REDIC1: variants seen among roughly 807,000 people sequenced by gnomAD.
REDIC1 encodes the protein regulator of DNA class I crossover intermediates 1, also known as HEI10 Interacting Protein 1.
the REDIC1 span, among the ~76,000 whole-genome samples, chr12:39,846,653 C>T: frequency 2.6e-5 from 4 of 152,140 alleles, no homozygotes; most frequent in Non-Finnish European, 4.4e-5. Flanking sequence ...GATTTTGCCA[C>T]GTTGCCCAGG....
chr12:39,787,804 C>A, the REDIC1 span, among the ~76,000 whole-genome samples: 6 of 152,114 alleles, frequency 3.9e-5, no homozygotes, highest in Non-Finnish European at 7.4e-5. Flanking sequence ...TTTTAATTTT[C>A]TCGTTATCTA....
chr12:39,689,916 A>G, the REDIC1 span, among the ~76,000 whole-genome samples: 3 of 152,242 alleles, frequency 2.0e-5, no homozygotes, highest in Non-Finnish European at 2.9e-5. Context: ...GAATATAGCT[A>G]GAACTAGTCA....
At chr12:39,833,319 T>G in the REDIC1 span, among the ~76,000 whole-genome samples, 1 of 152,062 alleles carries the variant, frequency 6.6e-6, no homozygotes, top group Admixed American at 6.6e-5. Flanking sequence ...AACACCTATA[T>G]AGATCCCCTG....
At chr12:39,751,496 A>G in the REDIC1 span, among the ~76,000 whole-genome samples, 1 of 152,208 alleles carries the variant, frequency 6.6e-6, no homozygotes, top group African/African-American at 2.4e-5. Context: ...CAGTGTGGCG[A>G]TTCCTCAAGG....
the REDIC1 span, among the ~76,000 whole-genome samples, chr12:39,892,569 T>C: frequency 6.6e-6 from 1 of 152,198 alleles, no homozygotes; most frequent in Non-Finnish European, 1.5e-5. Flanking sequence ...CTTTCTTGGT[T>C]TTGACCAATA....
At chr12:39,903,500 T>G in the REDIC1 span, among the ~76,000 whole-genome samples, 12 of 151,976 alleles carry the variant, frequency 7.9e-5, no homozygotes, top group Non-Finnish European at 1.0e-4. Context: ...GGCCCTGTGT[T>G]TTTGGGAAGA....
the REDIC1 span, among the ~76,000 whole-genome samples, chr12:39,811,001 G>C: frequency 2.0e-5 from 3 of 151,990 alleles, no homozygotes; most frequent in African/African-American, 7.2e-5. Context: ...TATAGGATTG[G>C]CATTATTTCT....
the REDIC1 span, among the ~76,000 whole-genome samples, chr12:39,675,803 A>G: frequency 0.015 from 2,353 of 152,248 alleles, 57 homozygotes; most frequent in African/African-American, 0.051. Flanking sequence ...TGTAGACATT[A>G]CCCAGCACCA....
chr12:39,810,525 G>C, the REDIC1 span, among the ~76,000 whole-genome samples: 1 of 152,088 alleles, frequency 6.6e-6, no homozygotes, highest in Admixed American at 6.5e-5. Context: ...TCATGTAGTA[G>C]TGTTAAGAGT....
the REDIC1 span, among the ~76,000 whole-genome samples, chr12:39,699,575 A>G: frequency 6.6e-6 from 1 of 152,232 alleles, no homozygotes; most frequent in East Asian, 1.9e-4. Context: ...GCAACTGGGA[A>G]GCTCGAACTG....
the REDIC1 span, among the ~76,000 whole-genome samples, chr12:39,703,094 CA>C: frequency 6.6e-6 from 1 of 152,078 alleles, no homozygotes; most frequent in African/African-American, 2.4e-5. Flanking sequence ...GGCAATTAGG[CA>C]GGAGAAGAAA....
chr12:39,766,866 C>G, the REDIC1 span, among the ~76,000 whole-genome samples: 1 of 152,082 alleles, frequency 6.6e-6, no homozygotes, highest in African/African-American at 2.4e-5. Flanking sequence ...GGCTTCGCTT[C>G]TACAATAGTT....
the REDIC1 span, among the ~76,000 whole-genome samples, chr12:39,725,739 A>G: frequency 2.6e-4 from 39 of 151,226 alleles, no homozygotes; most frequent in African/African-American, 9.2e-4. Context: ...TATATTTTAT[A>G]TATGTATAAT....
At chr12:39,774,745 A>G in the REDIC1 span, among the ~76,000 whole-genome samples, 1 of 152,186 alleles carries the variant, frequency 6.6e-6, no homozygotes, top group Non-Finnish European at 1.5e-5. Flanking sequence ...AAAGCCTTAG[A>G]AATTTGGAGC....
At chr12:39,706,281 A>G in the REDIC1 span, among the ~76,000 whole-genome samples, 2 of 152,168 alleles carry the variant, frequency 1.3e-5, no homozygotes, top group South Asian at 2.1e-4. Flanking sequence ...AATAAAGACT[A>G]TAAAACACTA....
the REDIC1 span, among the ~76,000 whole-genome samples, chr12:39,679,671 C>CTG: frequency 4.6e-5 from 7 of 151,928 alleles, no homozygotes; most frequent in Non-Finnish European, 8.8e-5. Flanking sequence ...CCCCAAAAAC[C>CTG]CCACAGAGCC....
At chr12:39,851,263 G>C in the REDIC1 span, among the ~76,000 whole-genome samples, 1 of 152,044 alleles carries the variant, frequency 6.6e-6, no homozygotes, top group Non-Finnish European at 1.5e-5. Flanking sequence ...TTCCAAAATG[G>C]ACAAATTAGA....
the REDIC1 span, among the ~76,000 whole-genome samples, chr12:39,815,391 A>G: frequency 6.6e-6 from 1 of 152,230 alleles, no homozygotes; most frequent in Non-Finnish European, 1.5e-5. Flanking sequence ...TCCACATGAT[A>G]TAAAATCATT....
At chr12:39,901,828 C>A in the REDIC1 span, among the ~76,000 whole-genome samples, 23 of 145,826 alleles carry the variant, frequency 1.6e-4, no homozygotes, top group East Asian at 1.2e-3. Context: ...TTGACCCAGC[C>A]ATCCCATTAC....
Sources: allele counts gnomAD v4.1 joint callset (sites outside exome capture counted in the v4.1 genomes callset), GRCh38; gene constraint gnomAD v4.1.1; transcripts MANE v1.5; gene names NCBI Gene and HGNC (gene_info 2026-07-23, HGNC 2026-07-21).